The following KANSL2 variants were observed in gnomAD, a reference collection of about 807,000 sequenced individuals.
The protein encoded by KANSL2 is KAT8 regulatory NSL complex subunit 2, also known as NSL complex protein NSL2.
KANSL2 carries 34 observed loss-of-function variants against 55.6 expected under a neutral mutation model. The observed-to-expected ratio is 0.61, with a 90% CI of 0.46 to 0.81. The LOEUF is 0.81. KANSL2 is among the 40% of genes least tolerant of loss of function. The pLI is 0.00. For synonymous variants in KANSL2, 209 were observed against 214.3 expected (o/e 0.98, Z 0.22); for missense variants, 502 against 609.9 (o/e 0.82, Z 1.86).
At chr12:48,670,428 C>T (rs1251323319) in intron 5 of KANSL2, among the ~76,000 whole-genome samples, 1 of 152,068 alleles carries the variant, frequency 6.6e-6, no homozygotes, top group African/African-American at 2.4e-5. Flanking sequence ...ATGAGATTGT[C>T]CCCGAAGACC....
At chr12:48,660,995 C>G (rs914928155) in intron 7 of KANSL2, among the ~76,000 whole-genome samples, 2 of 152,170 alleles carry the variant, frequency 1.3e-5, no homozygotes, top group African/African-American at 4.8e-5. Flanking sequence ...TGCCCCTAAA[C>G]AGCCCTTCCA....
At chr12:48,656,610 TAA>T (rs149545016) in intron 8 of KANSL2, 19,595 of 314,050 alleles carry the variant, frequency 0.062, no homozygotes, top group South Asian at 0.086. Context: ...TTTTGCTCTG[TAA>T]AAAAAAAAAA....
At chr12:48,675,369 G>A (rs775425381) in intron 4 of KANSL2, among the ~76,000 whole-genome samples, 14 of 152,218 alleles carry the variant, frequency 9.2e-5, no homozygotes, top group Non-Finnish European at 1.3e-4. Context: ...TCGTGCCACT[G>A]CGCTCCAGCC....
intron 7 of KANSL2, among the ~76,000 whole-genome samples, chr12:48,666,220 A>T (rs182669801): frequency 4.6e-5 from 7 of 152,168 alleles, no homozygotes; most frequent in Admixed American, 3.9e-4. Flanking sequence ...CAAAAAAATT[A>T]AAAAAAGAAA....
intron 4 of KANSL2, among the ~76,000 whole-genome samples, chr12:48,676,342 G>A (rs1349308789): frequency 3.3e-5 from 5 of 152,086 alleles, no homozygotes; most frequent in Admixed American, 3.3e-4. Context: ...CTGGGCTCAA[G>A]CAATCCTCCC....
At chr12:48,669,343 A>G in intron 5 of KANSL2, 71 bp from the exon 6 acceptor site, 1 of 1,259,928 alleles carries the variant, frequency 7.9e-7, no homozygotes, top group Non-Finnish European at 1.1e-6. Context: ...GTCAACAAGT[A>G]AACAGGAAAA....
intron 8 of KANSL2, 102 bp downstream of exon 8, chr12:48,660,264 C>CT: frequency 8.1e-7 from 1 of 1,238,716 alleles, no homozygotes; most frequent in Non-Finnish European, 1.1e-6. Flanking sequence ...ACTTCAAAAA[C>CT]TTTGTCGATT....
Position 48,655,003 on chromosome 12 carries a change from G to A in KANSL2, c.1285C>T (p.Pro429Ser), listed in dbSNP as rs1300324142. 3 of 1,587,314 alleles carry A rather than the reference G, an allele frequency of 1.9e-6. No homozygotes were observed. Among genetic ancestry groups the A allele is most frequent in the East Asian group, 2.3e-5 (1 of 43,920 alleles). ...QCPPSPLLFD[P>S]SLTLEDHLVK... ...AAATGATCTTCAAGGGTTAGTGAAG[G>A]ATCAAAAAGCAAAGGTGAAGGAGGA... The change falls in exon 9 of 10, where the codon CCT becomes TCT. Residue 429 changes from proline to serine, a missense_variant. Transcript: ENST00000420613.
At chr12:48,669,513 G>GA (rs376638946) in intron 5 of KANSL2, among the ~76,000 whole-genome samples, 1 of 150,210 alleles carries the variant, frequency 6.7e-6, no homozygotes, top group African/African-American at 2.4e-5. Flanking sequence ...AACAAAGCTG[G>GA]AAAAAAAATT....
chr12:48,663,912 C>CTTTTT (rs1939536045), intron 7 of KANSL2, among the ~76,000 whole-genome samples: 1 of 135,162 alleles, frequency 7.4e-6, no homozygotes, highest in African/African-American at 2.8e-5. Flanking sequence ...TAACTATTAG[C>CTTTTT]CTTTTTTTTT....
chr12:48,673,932 C>T (rs2137198799), intron 4 of KANSL2, among the ~76,000 whole-genome samples: 1 of 152,106 alleles, frequency 6.6e-6, no homozygotes, highest in East Asian at 1.9e-4. Flanking sequence ...ACCTGGGTGA[C>T]AGAGCAAGAC....
chr12:48,660,295 C>A lies in KANSL2; in HGVS notation c.1227+71G>T, dbSNP rs570346023. On this transcript the variant is annotated intron_variant, in intron 8 of 9. Coordinates refer to ENST00000420613, the MANE Select transcript of KANSL2 (RefSeq NM_017822.4). The stretch of plus-strand genomic sequence containing the variant: ...CGATTCTCCTAACCACAAAGACTAA[C>A]CTATTCTCACCATTAATAAATAAGG... The A allele has an allele frequency of 2.4e-5, 37 of 1,537,570 alleles. 1 individual carries two copies. The South Asian group carries it at 4.1e-4, about 17-fold the overall frequency.
chr12:48,678,113 G>C (rs1047656976), intron 4 of KANSL2, among the ~76,000 whole-genome samples: 11 of 152,118 alleles, frequency 7.2e-5, no homozygotes, highest in Non-Finnish European at 1.3e-4. Flanking sequence ...TGAAGAAAAT[G>C]CTATTGCAAG....
intron 1 of KANSL2, chr12:48,681,865 A>C: frequency 1.4e-6 from 1 of 705,204 alleles, no homozygotes; most frequent in South Asian, 1.5e-5. Flanking sequence ...CACCACGCTG[A>C]ATGTATCTTC....
At chr12:48,665,718 TCAA>T (rs2137186561) in intron 7 of KANSL2, among the ~76,000 whole-genome samples, 2 of 152,342 alleles carry the variant, frequency 1.3e-5, no homozygotes, top group Admixed American at 1.3e-4. Flanking sequence ...CACAATTCAA[TCAA>T]CAACTCAAAA....
At chr12:48,668,873 A>T (rs953625819) in intron 6 of KANSL2, among the ~76,000 whole-genome samples, 2 of 151,934 alleles carry the variant, frequency 1.3e-5, no homozygotes, top group Admixed American at 1.3e-4. Flanking sequence ...AACCCCAAAA[A>T]ATACAAAAAC....
intron 7 of KANSL2, among the ~76,000 whole-genome samples, chr12:48,662,008 C>G (rs759044603): frequency 6.6e-6 from 1 of 152,190 alleles, no homozygotes; most frequent in African/African-American, 2.4e-5. Flanking sequence ...TAATGGGAAT[C>G]ATCAGATTTG....
chr12:48,671,649 A>G, intron 5 of KANSL2, 150 bp downstream of exon 5: 1 of 761,718 alleles, frequency 1.3e-6, no homozygotes, highest in Non-Finnish European at 2.2e-6. Context: ...AGGCTATACC[A>G]CCTACGTTAG....
intron 7 of KANSL2, among the ~76,000 whole-genome samples, chr12:48,664,485 A>G (rs1939551425): frequency 6.6e-6 from 1 of 150,940 alleles, no homozygotes; most frequent in South Asian, 2.1e-4. Context: ...TTGCCGTGTT[A>G]GCCAGGATGG....
Sources: allele counts gnomAD v4.1 joint callset (sites outside exome capture counted in the v4.1 genomes callset), GRCh38; gene constraint gnomAD v4.1.1; transcripts MANE v1.5; gene names NCBI Gene and HGNC (gene_info 2026-07-23, HGNC 2026-07-21).